The following CAMTA1 variants were observed in gnomAD, a reference collection of about 807,000 sequenced individuals.
The protein encoded by CAMTA1 is calmodulin binding transcription activator 1, also known as calmodulin-binding transcription activator 1.
A neutral mutation model predicts 170.9 loss-of-function variants in CAMTA1; 27 were observed. The ratio of observed to expected loss-of-function variants is 0.16; its 90% CI spans 0.12 to 0.22. The LOEUF (loss-of-function observed/expected upper bound fraction) is 0.22, where lower values mean the gene tolerates loss of function less well. CAMTA1 is among the 10% of genes least tolerant of loss of function. The pLI is 1.00. For missense variants in CAMTA1, 1,619 were observed against 2,217.2 expected (o/e 0.73, Z 5.42); for synonymous variants, 833 against 891.5 (o/e 0.93, Z 1.17).
chr1:6,912,580 C>G (rs550235380), intron 3 of CAMTA1, among the ~76,000 whole-genome samples: 2 of 152,334 alleles, frequency 1.3e-5, no homozygotes, highest in East Asian at 3.9e-4. Context: ...TTCATGTTTC[C>G]GTTAGATAAC....
intron 4 of CAMTA1, among the ~76,000 whole-genome samples, chr1:7,118,630 A>G (rs1317788057): frequency 6.6e-6 from 1 of 152,120 alleles, no homozygotes; most frequent in East Asian, 1.9e-4. Context: ...TTTTGGAGTC[A>G]GAAATGTTTA....
At chr1:7,232,557 A>G (rs1663036736) in intron 4 of CAMTA1, among the ~76,000 whole-genome samples, 1 of 152,152 alleles carries the variant, frequency 6.6e-6, no homozygotes, top group Non-Finnish European at 1.5e-5. Flanking sequence ...CCTTGCTAGA[A>G]CATAAGCTCC....
intron 5 of CAMTA1, among the ~76,000 whole-genome samples, chr1:7,357,406 G>A (rs879559482): frequency 3.3e-5 from 5 of 152,218 alleles, no homozygotes; most frequent in Non-Finnish European, 7.3e-5. Context: ...GAACTGAGTT[G>A]CCCCCTTGCC....
chr1:7,710,855 CT>C (rs2096565267), intron 11 of CAMTA1, among the ~76,000 whole-genome samples: 1 of 152,100 alleles, frequency 6.6e-6, no homozygotes, highest in African/African-American at 2.4e-5. Context: ...AGGAAGACAG[CT>C]CTTATTTCCC....
At chr1:7,398,181 CTCTCTCTCTCTCTATATATAT>C (rs2089517328) in intron 5 of CAMTA1, among the ~76,000 whole-genome samples, 1 of 45,556 alleles carries the variant, frequency 2.2e-5, no homozygotes, top group African/African-American at 8.4e-5. Flanking sequence ...CTCTCTCTCT[CTCTCTCTCTCTCTATATATAT>C]ATATATATAT....
chr1:7,402,577 A>G (rs548238637), intron 5 of CAMTA1, among the ~76,000 whole-genome samples: 1 of 152,306 alleles, frequency 6.6e-6, no homozygotes, highest in East Asian at 1.9e-4. Context: ...TGGGGGCTTA[A>G]CAAATAAGTA....
chr1:7,471,797 T>C (rs1176268513), intron 6 of CAMTA1, among the ~76,000 whole-genome samples: 1 of 152,202 alleles, frequency 6.6e-6, no homozygotes, highest in Non-Finnish European at 1.5e-5. Context: ...TCTGATGGTT[T>C]CGAGGGGTAG....
chr1:6,950,799 T>C (rs7551366), intron 3 of CAMTA1, among the ~76,000 whole-genome samples: 149,359 of 151,972 alleles, frequency 0.98, 73,430 homozygotes, highest in Middle Eastern at 1. Context: ...GGTCATAGCA[T>C]TAATGACCGA....
chr1:7,655,604 CTA>C (rs1384025157), intron 7 of CAMTA1, among the ~76,000 whole-genome samples: 2 of 140,150 alleles, frequency 1.4e-5, no homozygotes, highest in Non-Finnish European at 3.1e-5. Flanking sequence ...ATACACACAC[CTA>C]TACACACCCA....
intron 4 of CAMTA1, among the ~76,000 whole-genome samples, chr1:7,231,672 C>T (rs774496227): frequency 5.9e-5 from 9 of 152,096 alleles, no homozygotes; most frequent in African/African-American, 1.9e-4. Context: ...TGCACCCGGC[C>T]GAGATTTTCA....
At chr1:6,977,469 T>C (rs2149619548) in intron 3 of CAMTA1, among the ~76,000 whole-genome samples, 1 of 152,096 alleles carries the variant, frequency 6.6e-6, no homozygotes, top group South Asian at 2.1e-4. Context: ...GCCTCCCGAG[T>C]AGCTGGGACT....
chr1:7,111,863 C>T (rs184955806), intron 4 of CAMTA1, among the ~76,000 whole-genome samples: 86 of 133,760 alleles, frequency 6.4e-4, no homozygotes, highest in African/African-American at 1.9e-3. Context: ...CCAGCCTGGG[C>T]GACCGGGCAA....
intron 3 of CAMTA1, among the ~76,000 whole-genome samples, chr1:6,981,853 C>T (rs987490606): frequency 6.6e-6 from 1 of 152,092 alleles, no homozygotes; most frequent in African/African-American, 2.4e-5. Flanking sequence ...CTCAGCCTTC[C>T]AAGTAGCTAG....
At chr1:7,630,669 C>T (rs1448680749) in intron 6 of CAMTA1, among the ~76,000 whole-genome samples, 1 of 152,242 alleles carries the variant, frequency 6.6e-6, no homozygotes, top group Non-Finnish European at 1.5e-5. Context: ...CACAGGCTTG[C>T]GTAATGAGGG....
chr1:7,678,599 G>T (rs1349982394), intron 11 of CAMTA1, among the ~76,000 whole-genome samples: 1 of 152,182 alleles, frequency 6.6e-6, no homozygotes, highest in African/African-American at 2.4e-5. Context: ...ACGTCAGGAG[G>T]CCCAGAGCTA....
In CAMTA1 at chr1:7,302,809, T is replaced by A. The variant is rs118005085; in HGVS notation, c.438+53183T>A. ...TCTTTTGTTGGTCACATGGATTCAA[T>A]AAACGTGGTTCACTAGCACCCACCA... On this transcript the variant is annotated intron_variant, in intron 5 of 22. Coordinates refer to ENST00000303635, the MANE Select transcript of CAMTA1 (RefSeq NM_015215.4). Among the ~76,000 whole-genome samples, 72 of 152,328 alleles carry A rather than the reference T, an allele frequency of 4.7e-4. No individual in the cohort carries two copies. In the East Asian group the frequency reaches 0.014, roughly 29 times the overall value.
intron 4 of CAMTA1, among the ~76,000 whole-genome samples, chr1:7,175,658 C>T (rs775959633): frequency 2.6e-5 from 4 of 152,252 alleles, no homozygotes; most frequent in East Asian, 1.9e-4. Flanking sequence ...CCACCCCAGC[C>T]GCTTGAAGCG....
intron 5 of CAMTA1, among the ~76,000 whole-genome samples, chr1:7,308,141 T>C (rs1433007182): frequency 6.6e-6 from 1 of 152,078 alleles, no homozygotes; most frequent in African/African-American, 2.4e-5. Flanking sequence ...GTAGAATTTA[T>C]CTATGTGAAG....
At chr1:7,083,561 G>T (rs1296221572) in intron 3 of CAMTA1, among the ~76,000 whole-genome samples, 1 of 152,162 alleles carries the variant, frequency 6.6e-6, no homozygotes, top group East Asian at 1.9e-4. Context: ...GACCTGGGTT[G>T]GACTATTTAT....
Sources: allele counts gnomAD v4.1 joint callset (sites outside exome capture counted in the v4.1 genomes callset), GRCh38; gene constraint gnomAD v4.1.1; transcripts MANE v1.5; gene names NCBI Gene and HGNC (gene_info 2026-07-23, HGNC 2026-07-21).